FSTL4: variants seen among roughly 807,000 people sequenced by gnomAD.
FSTL4 encodes follistatin like 4.
FSTL4 carries 28 observed loss-of-function variants against 78.2 expected under a neutral mutation model. The ratio of observed to expected loss-of-function variants is 0.36; its 90% CI spans 0.27 to 0.49. The LOEUF is 0.49. Among genes scored for constraint, FSTL4 ranks in the 20% least tolerant of loss-of-function variants. The pLI is 0.98. For synonymous variants in FSTL4, 422 were observed against 440.5 expected (o/e 0.96, Z 0.53); for missense variants, 922 against 1,084.9 (o/e 0.85, Z 2.11).
chr5:133,467,959 C>T (rs1192635300), intron 3 of FSTL4, among the ~76,000 whole-genome samples: 1 of 152,148 alleles, frequency 6.6e-6, no homozygotes, highest in African/African-American at 2.4e-5. Flanking sequence ...TGGGGCACTC[C>T]TAGGGAACAA....
chr5:133,779,638 C>T, the FSTL4 span, among the ~76,000 whole-genome samples: 1 of 152,166 alleles, frequency 6.6e-6, no homozygotes, highest in Non-Finnish European at 1.5e-5. Context: ...TGATGTAACT[C>T]TTCTGCCTAA....
intron 3 of FSTL4, among the ~76,000 whole-genome samples, chr5:133,489,715 C>T (rs904596425): frequency 1.3e-5 from 2 of 152,228 alleles, no homozygotes; most frequent in Non-Finnish European, 2.9e-5. Flanking sequence ...ATAGCCCCAG[C>T]TTCTCCACTC....
At chr5:133,681,298 G>A in the FSTL4 span, among the ~76,000 whole-genome samples, 3 of 152,346 alleles carry the variant, frequency 2.0e-5, no homozygotes, top group South Asian at 4.1e-4. Flanking sequence ...GGCCAGAAGC[G>A]GTGAGTGAGG....
Position 133,240,810 on chromosome 5 carries a change from C to T in FSTL4, c.895-7273G>A, listed in dbSNP as rs896743761. 4.6e-5 allele frequency among the ~76,000 whole-genome samples: 7 copies of T among 152,280 alleles called. No individual in the cohort carries two copies. In the South Asian group the frequency reaches 1.0e-3, roughly 23 times the overall value. On this transcript the variant is annotated intron_variant, in intron 7 of 15. Transcript: ENST00000265342. The stretch of plus-strand genomic sequence containing the variant: ...AGTGTGTTAGCCTAGGATGCTACCT[C>T]CTGGGAAGCCCTGAGAGGAAGGATA...
the FSTL4 span, among the ~76,000 whole-genome samples, chr5:133,772,919 C>G: frequency 3.9e-5 from 6 of 151,988 alleles, no homozygotes; most frequent in African/African-American, 1.5e-4. Flanking sequence ...CTTTTCCTTA[C>G]GTAACTAATT....
chr5:133,364,691 A>G (rs1157351380), intron 4 of FSTL4, among the ~76,000 whole-genome samples: 7 of 152,152 alleles, frequency 4.6e-5, no homozygotes, highest in Non-Finnish European at 8.8e-5. Context: ...AATTTTGTCC[A>G]TGGATTTTTG....
At chr5:133,279,228 G>A (rs748128441) in intron 6 of FSTL4, among the ~76,000 whole-genome samples, 3 of 152,186 alleles carry the variant, frequency 2.0e-5, no homozygotes, top group African/African-American at 2.4e-5. Flanking sequence ...GGTGAGCGGC[G>A]GGCACTGAGT....
intron 6 of FSTL4, among the ~76,000 whole-genome samples, chr5:133,271,986 G>A (rs1399925982): frequency 6.6e-6 from 1 of 152,116 alleles, no homozygotes; most frequent in Non-Finnish European, 1.5e-5. Context: ...TGACCGGGGG[G>A]CTTTGGAATC....
At chr5:133,539,468 C>A (rs1400900259) in intron 3 of FSTL4, among the ~76,000 whole-genome samples, 1 of 152,138 alleles carries the variant, frequency 6.6e-6, no homozygotes, top group Non-Finnish European at 1.5e-5. Context: ...CCTGTAAACA[C>A]TCACTCCACA....
chr5:133,499,629 C>T (rs1386040364), intron 3 of FSTL4, among the ~76,000 whole-genome samples: 1 of 152,136 alleles, frequency 6.6e-6, no homozygotes, highest in African/African-American at 2.4e-5. Context: ...GTGAAGCACA[C>T]TCTTACATGA....
rs190391734 is a variant in FSTL4, at chr5:133,297,552, T to C, written c.727+15102A>G. On this transcript the variant is annotated intron_variant, in intron 6 of 15. Coordinates refer to ENST00000265342, the MANE Select transcript of FSTL4 (RefSeq NM_015082.2). ...GACACGTGGTATCTTTTCATAAGGA[T>C]TGAATGTCACTAAATGAGATAATGT... 1.5e-3 allele frequency among the ~76,000 whole-genome samples: 227 copies of C among 152,292 alleles called. 1 individual carries two copies. Among genetic ancestry groups the C allele is most frequent in the African/African-American group, 4.4e-3 (183 of 41,548 alleles).
At chr5:133,527,622 T>C (rs1331186628) in intron 3 of FSTL4, among the ~76,000 whole-genome samples, 7 of 152,196 alleles carry the variant, frequency 4.6e-5, no homozygotes, top group Non-Finnish European at 7.3e-5. Flanking sequence ...ATAAGAATTA[T>C]AAACTGAACA....
chr5:133,650,882 C>T, the FSTL4 span, among the ~76,000 whole-genome samples: 1 of 152,180 alleles, frequency 6.6e-6, no homozygotes, highest in Admixed American at 6.5e-5. Context: ...TATCCAGGAA[C>T]ATGAAATATC....
intron 1 of FSTL4, among the ~76,000 whole-genome samples, chr5:133,605,763 C>T (rs1760964013): frequency 6.6e-6 from 1 of 152,126 alleles, no homozygotes; most frequent in African/African-American, 2.4e-5. Context: ...AGCTCCCACT[C>T]TTATATCTGT....
At chr5:133,692,375 G>A in the FSTL4 span, among the ~76,000 whole-genome samples, 1 of 152,178 alleles carries the variant, frequency 6.6e-6, no homozygotes, top group Non-Finnish European at 1.5e-5. Context: ...ACCACTGGGG[G>A]TTTGAGCAGG....
At chr5:133,269,108 G>T (rs980020795) in intron 6 of FSTL4, among the ~76,000 whole-genome samples, 2 of 151,266 alleles carry the variant, frequency 1.3e-5, no homozygotes, top group Non-Finnish European at 2.9e-5. Context: ...CGTGAACCCG[G>T]GAGGCGGAGC....
At position 133,612,437 on chromosome 5, in the gene FSTL4, G is replaced by C. The variant is rs1254922217; in HGVS notation, c.-123C>G. ...CCCCGCGTCCTTCGGCTGGTTTCTC[G>C]GGCTGTCGGCGGGTCCCGGGCTCGC... On this transcript the variant is annotated 5_prime_UTR_variant, in exon 1 of 16. Coordinates refer to ENST00000265342, the MANE Select transcript of FSTL4 (RefSeq NM_015082.2). This position sits in a 1 kb window ranked among gnomAD's most constrained non-coding sequence, Gnocchi z 6.2. 6.6e-6 allele frequency: 1 copy of C among 151,986 alleles called. No homozygotes were observed. The highest frequency in any genetic ancestry group is 1.9e-4 in the East Asian group (1 of 5,158). The allele number at this position is 151,986 out of a possible 1,614,324, so 9.4% of individuals were successfully genotyped here. A position where few individuals can be genotyped will look rare whatever the true frequency, so the allele number is the denominator to read the frequency against.
At chr5:133,594,859 C>T (rs1478775598) in intron 2 of FSTL4, among the ~76,000 whole-genome samples, 2 of 152,206 alleles carry the variant, frequency 1.3e-5, no homozygotes, top group Admixed American at 6.5e-5. Flanking sequence ...CTCAAACAAG[C>T]TTTCAGTTCA....
intron 6 of FSTL4, among the ~76,000 whole-genome samples, chr5:133,257,559 C>T (rs1290241667): frequency 6.6e-6 from 1 of 152,160 alleles, no homozygotes; most frequent in East Asian, 1.9e-4. Flanking sequence ...TGTGTGCAGA[C>T]GAACAGGAAG....
Sources: allele counts gnomAD v4.1 joint callset (sites outside exome capture counted in the v4.1 genomes callset), GRCh38; gene constraint gnomAD v4.1.1; non-coding constraint Gnocchi (gnomAD v3.1); transcripts MANE v1.5; gene names NCBI Gene and HGNC (gene_info 2026-07-23, HGNC 2026-07-21).